Variants in DCAF6 observed in about 807,000 individuals in gnomAD.
DCAF6 encodes the protein DDB1 and CUL4 associated factor 6, also known as DDB1- and CUL4-associated factor 6.
Under a neutral mutation model 125.1 loss-of-function variants are expected in DCAF6, and 54 were observed. The observed-to-expected ratio is 0.43, with a 90% confidence interval of 0.35 to 0.54. The LOEUF is 0.54. Among genes scored for constraint, DCAF6 ranks in the 20% least tolerant of loss-of-function variants. DCAF6 has a pLI of 0.01. For missense variants in DCAF6, 934 were observed against 1,161.7 expected, an observed-to-expected ratio of 0.80 and a Z score of 2.85; for synonymous variants, 371 against 390.4, an observed-to-expected ratio of 0.95 and a Z score of 0.58.
At chr1:167,996,975 G>A (rs1681814706) in intron 7 of DCAF6, among the ~76,000 whole-genome samples, 1 of 151,972 alleles carries the variant, frequency 6.6e-6, no homozygotes, top group African/African-American at 2.4e-5. Context: ...AACTTTCTAT[G>A]TATATTTTGC....
At chr1:167,958,110 C>T (rs1675043033) in intron 2 of DCAF6, among the ~76,000 whole-genome samples, 2 of 152,130 alleles carry the variant, frequency 1.3e-5, no homozygotes, top group East Asian at 1.9e-4. Flanking sequence ...TTGCCTTCCT[C>T]ATAGTGTCCT....
the DCAF6 span, among the ~76,000 whole-genome samples, chr1:167,876,367 A>G: frequency 6.6e-6 from 1 of 152,200 alleles, no homozygotes; most frequent in Non-Finnish European, 1.5e-5. Flanking sequence ...AACACAGGAT[A>G]CTGACAGTAT....
intron 17 of DCAF6, among the ~76,000 whole-genome samples, chr1:168,052,729 A>G (rs980731946): frequency 2.6e-5 from 4 of 152,214 alleles, no homozygotes. Context: ...AAGATTCTGA[A>G]TGATAGGTAC....
intron 12 of DCAF6, among the ~76,000 whole-genome samples, chr1:168,028,845 A>G (rs1201526890): frequency 6.6e-6 from 1 of 152,184 alleles, no homozygotes; most frequent in Non-Finnish European, 1.5e-5. Context: ...TTAAATAAAT[A>G]TCTAGTGATT....
At chr1:167,965,816 G>A (rs1676328872) in intron 2 of DCAF6, among the ~76,000 whole-genome samples, 3 of 152,090 alleles carry the variant, frequency 2.0e-5, no homozygotes, top group Non-Finnish European at 4.4e-5. Context: ...TGTATTTTTA[G>A]TAGAGACGGG....
chr1:167,983,754 C>T (rs1679540371), intron 4 of DCAF6, among the ~76,000 whole-genome samples: 1 of 152,170 alleles, frequency 6.6e-6, no homozygotes, highest in African/African-American at 2.4e-5. Context: ...TTTTTCTGGT[C>T]AGCTTCTTGT....
At chr1:168,017,937 T>C (rs1685192576) in intron 11 of DCAF6, among the ~76,000 whole-genome samples, 1 of 152,212 alleles carries the variant, frequency 6.6e-6, no homozygotes, top group East Asian at 1.9e-4. Flanking sequence ...TTCTCACCTA[T>C]TTAAGTGTTT....
chr1:167,947,033 T>A (rs980549451), intron 1 of DCAF6, among the ~76,000 whole-genome samples: 4 of 152,152 alleles, frequency 2.6e-5, no homozygotes, highest in African/African-American at 9.7e-5. Context: ...ATTGTAAAAA[T>A]TACTGATTAA....
At chr1:168,003,117 C>G (rs1281079280) in intron 8 of DCAF6, among the ~76,000 whole-genome samples, 1 of 152,086 alleles carries the variant, frequency 6.6e-6, no homozygotes, top group Non-Finnish European at 1.5e-5. Flanking sequence ...TGAAACATCT[C>G]TTGTGATCAA....
chr1:167,907,110 A>G, the DCAF6 span, among the ~76,000 whole-genome samples: 2 of 152,210 alleles, frequency 1.3e-5, no homozygotes, highest in East Asian at 3.8e-4. Context: ...CAGACAACAT[A>G]TATCTACAGA....
intron 4 of DCAF6, among the ~76,000 whole-genome samples, chr1:167,975,915 C>T (rs1367193229): frequency 6.6e-6 from 1 of 152,024 alleles, no homozygotes; most frequent in Non-Finnish European, 1.5e-5. Context: ...GATAGGTTTC[C>T]CATTTTTTGT....
At chr1:167,924,396 G>T in the DCAF6 span, 1 of 953,248 alleles carries the variant, frequency 1.0e-6, no homozygotes, top group South Asian at 1.6e-5. Flanking sequence ...GGCATACCAA[G>T]AATACTCTAA....
chr1:167,888,199 T>C, the DCAF6 span, among the ~76,000 whole-genome samples: 1 of 152,372 alleles, frequency 6.6e-6, no homozygotes, highest in African/African-American at 2.4e-5. Flanking sequence ...TAATTTGAAG[T>C]CAGATAATAT....
At chr1:168,061,817 T>A (rs886196759) in intron 17 of DCAF6, among the ~76,000 whole-genome samples, 2 of 152,154 alleles carry the variant, frequency 1.3e-5, no homozygotes, top group African/African-American at 2.4e-5. Context: ...ATACAGCCAC[T>A]TTGGAAAACC....
the DCAF6 span, among the ~76,000 whole-genome samples, chr1:167,928,313 A>G: frequency 3.4e-5 from 5 of 147,404 alleles, no homozygotes; most frequent in South Asian, 4.2e-4. Context: ...GCACCACTGC[A>G]CTCCAGAAAA....
the DCAF6 span, among the ~76,000 whole-genome samples, chr1:167,908,174 G>T: frequency 6.6e-6 from 1 of 152,158 alleles, no homozygotes; most frequent in Non-Finnish European, 1.5e-5. Flanking sequence ...CATATGAATG[G>T]ATAAAGAAAA....
chr1:167,878,729 C>G, the DCAF6 span: 2 of 1,249,864 alleles, frequency 1.6e-6, no homozygotes, highest in Admixed American at 1.9e-5. Context: ...CATTTTTACC[C>G]TTTACTCCCT....
chr1:167,901,705 C>G, the DCAF6 span: 6 of 1,614,196 alleles, frequency 3.7e-6, no homozygotes, highest in Non-Finnish European at 4.2e-6. Context: ...ACTCCTGGGT[C>G]TCAAACAATC....
intron 4 of DCAF6, among the ~76,000 whole-genome samples, chr1:167,983,949 T>C (rs6669166): frequency 0.075 from 11,449 of 152,092 alleles, 541 homozygotes; most frequent in Middle Eastern, 0.1. Flanking sequence ...GATAGGGCAT[T>C]TGGGGGAGTC....
Sources: gnomAD v4.1 joint callset for allele counts (sites outside exome capture counted in the v4.1 genomes callset) on GRCh38, gnomAD v4.1.1 for gene constraint, MANE v1.5 for transcripts, NCBI Gene and HGNC (gene_info 2026-07-23, HGNC 2026-07-21) for gene names.